The following NCKAP5 variants were observed in gnomAD, a reference collection of about 807,000 sequenced individuals.
The protein encoded by NCKAP5 is NCK associated protein 5.
Under a neutral mutation model 167.0 loss-of-function variants are expected in NCKAP5, and 92 were observed. That is an observed-to-expected ratio of 0.55 (90% CI 0.47 to 0.66). The LOEUF is 0.66. Ranked by LOEUF, NCKAP5 falls within the 30% of genes least tolerant of loss-of-function variation. The probability of loss-of-function intolerance (pLI) is 0.00; values close to 1 mark genes in which losing one functional copy is unlikely to be tolerated. For synonymous variants in NCKAP5, 891 were observed against 877.4 expected, an observed-to-expected ratio of 1.02 and a Z score of -0.27; for missense variants, 2,378 against 2,315.0, an observed-to-expected ratio of 1.03 and a Z score of -0.56.
chr2:132,902,875 G>A (rs1558922097), intron 8 of NCKAP5, among the ~76,000 whole-genome samples: 2 of 152,090 alleles, frequency 1.3e-5, no homozygotes, highest in South Asian at 2.1e-4. Flanking sequence ...TGTCACTTCC[G>A]CCAGATGTGA....
At chr2:133,129,454 A>C (rs967852078) in intron 6 of NCKAP5, among the ~76,000 whole-genome samples, 3 of 152,322 alleles carry the variant, frequency 2.0e-5, no homozygotes, top group African/African-American at 2.4e-5. Context: ...CATAGTATTC[A>C]ATGGTGTATA....
In NCKAP5 at chr2:133,492,696, T is replaced by C. The variant is rs187068921; in HGVS notation, c.69+24762A>G. 8.5e-5 allele frequency among the ~76,000 whole-genome samples: 13 copies of C among 152,360 alleles called. No homozygotes were observed. In the East Asian group the frequency reaches 1.9e-3, roughly 23 times the overall value. ...TAGATATATAACCTGTGAGATTGTA[T>C]ATGGAAAGAAGAAAGCATTTTCTGT... On this transcript the variant is annotated intron_variant, in intron 3 of 19. Transcript: ENST00000409261.
At chr2:133,630,471 A>G in the NCKAP5 span, among the ~76,000 whole-genome samples, 1 of 152,200 alleles carries the variant, frequency 6.6e-6, no homozygotes, top group African/African-American at 2.4e-5. Context: ...TGTGAGCATA[A>G]GGAAAAATAG....
intron 9 of NCKAP5, among the ~76,000 whole-genome samples, chr2:132,878,554 A>T (rs985509482): frequency 6.6e-6 from 1 of 152,156 alleles, no homozygotes; most frequent in African/African-American, 2.4e-5. Context: ...AATATGAAAC[A>T]ACAACCAAAA....
the NCKAP5 span, among the ~76,000 whole-genome samples, chr2:133,663,134 C>T: frequency 6.6e-6 from 1 of 152,018 alleles, no homozygotes; most frequent in African/African-American, 2.4e-5. Context: ...GGCGCGGTGG[C>T]GGGCGCCTGT....
At chr2:133,441,798 C>T (rs1411611639) in intron 3 of NCKAP5, among the ~76,000 whole-genome samples, 2 of 152,160 alleles carry the variant, frequency 1.3e-5, no homozygotes, top group African/African-American at 4.8e-5. Flanking sequence ...TAGGATATCT[C>T]AGTTTCTTTA....
At chr2:132,872,872 T>C (rs1690937508) in intron 9 of NCKAP5, among the ~76,000 whole-genome samples, 1 of 152,198 alleles carries the variant, frequency 6.6e-6, no homozygotes, top group Non-Finnish European at 1.5e-5. Context: ...GTTAACCTCA[T>C]ACACTGACAT....
intron 7 of NCKAP5, among the ~76,000 whole-genome samples, chr2:132,965,733 C>A (rs929306353): frequency 6.6e-6 from 1 of 152,064 alleles, no homozygotes; most frequent in Non-Finnish European, 1.5e-5. Flanking sequence ...TATATGGTAC[C>A]TAGGTTAGAA....
intron 15 of NCKAP5, among the ~76,000 whole-genome samples, chr2:132,775,068 C>T (rs1682432013): frequency 6.6e-6 from 1 of 152,144 alleles, no homozygotes; most frequent in Non-Finnish European, 1.5e-5. Flanking sequence ...AAATACATTC[C>T]AGACAGCCAC....
chr2:133,090,594 A>G (rs532433810), intron 6 of NCKAP5, among the ~76,000 whole-genome samples: 1 of 152,312 alleles, frequency 6.6e-6, no homozygotes, highest in South Asian at 2.1e-4. Context: ...TCTGGCCTCC[A>G]GAACTGTGAG....
At chr2:133,446,276 A>G (rs1691187494) in intron 3 of NCKAP5, among the ~76,000 whole-genome samples, 1 of 152,220 alleles carries the variant, frequency 6.6e-6, no homozygotes, top group Non-Finnish European at 1.5e-5. Flanking sequence ...CAGCAAGTAG[A>G]AGATTTGTTC....
intron 6 of NCKAP5, among the ~76,000 whole-genome samples, chr2:133,045,549 A>G (rs2079368576): frequency 1.3e-5 from 2 of 151,428 alleles, no homozygotes; most frequent in South Asian, 4.1e-4. Context: ...TCTTTCCATT[A>G]GTCTTCTTTT....
intron 8 of NCKAP5, among the ~76,000 whole-genome samples, chr2:132,960,727 C>T (rs904117907): frequency 6.6e-6 from 1 of 152,102 alleles, no homozygotes; most frequent in Non-Finnish European, 1.5e-5. Flanking sequence ...AGGGGCTCCT[C>T]AAGTTGTTTT....
chr2:132,993,033 C>T (rs2077491333), intron 7 of NCKAP5, among the ~76,000 whole-genome samples: 2 of 152,160 alleles, frequency 1.3e-5, no homozygotes, highest in South Asian at 4.1e-4. Flanking sequence ...TCCTCCCAAT[C>T]CCTTTTCACA....
At chr2:133,006,498 A>G (rs1244658318) in intron 6 of NCKAP5, among the ~76,000 whole-genome samples, 3 of 152,228 alleles carry the variant, frequency 2.0e-5, no homozygotes, top group African/African-American at 7.2e-5. Context: ...CAAGATCTGT[A>G]TGGGAGTTTG....
At chr2:132,810,025 T>A (rs942919859) in intron 11 of NCKAP5, among the ~76,000 whole-genome samples, 1 of 152,242 alleles carries the variant, frequency 6.6e-6, no homozygotes, top group Non-Finnish European at 1.5e-5. Flanking sequence ...AAAGACTGTA[T>A]CTTTCCTTCA....
At chr2:133,226,582 A>C (rs1447093464) in intron 4 of NCKAP5, among the ~76,000 whole-genome samples, 2 of 147,478 alleles carry the variant, frequency 1.4e-5, no homozygotes, top group Non-Finnish European at 3.0e-5. Flanking sequence ...GAGTTCTTAA[A>C]AAAAGGGAAA....
At chr2:132,684,152 G>C (rs1427834966) in intron 19 of NCKAP5, among the ~76,000 whole-genome samples, 2 of 152,212 alleles carry the variant, frequency 1.3e-5, no homozygotes, top group African/African-American at 4.8e-5. Context: ...CACATGCACA[G>C]GACAATTTAA....
intron 2 of NCKAP5, chr2:133,527,066 T>TA (rs1252947791): frequency 6.8e-6 from 1 of 146,358 alleles, no homozygotes; most frequent in African/African-American, 2.5e-5. Context: ...TCAAGCTTAC[T>TA]TTTTTTTTTT....
Sources: gnomAD v4.1 joint callset for allele counts (sites outside exome capture counted in the v4.1 genomes callset) on GRCh38, gnomAD v4.1.1 for gene constraint, MANE v1.5 for transcripts, NCBI Gene and HGNC (gene_info 2026-07-23, HGNC 2026-07-21) for gene names.